Variants in P3H2 observed in about 807,000 individuals in gnomAD.
The protein encoded by P3H2 is leprecan-like 1.
In P3H2, 80 loss-of-function variants were observed where a neutral mutation model predicts 87.0. The observed-to-expected ratio is 0.92, with a 90% CI of 0.77 to 1.11. The LOEUF (loss-of-function observed/expected upper bound fraction) is 1.11, where lower values mean the gene tolerates loss of function less well. P3H2 is among the 50% of genes least tolerant of loss of function. P3H2 has a pLI of 0.00. For missense variants in P3H2, 1,001 were observed against 923.9 expected, an observed-to-expected ratio of 1.08 and a Z score of -1.08; for synonymous variants, 367 against 359.3, an observed-to-expected ratio of 1.02 and a Z score of -0.24.
At chr3:190,027,584 T>G (rs183419192) in intron 1 of P3H2, among the ~76,000 whole-genome samples, 197 of 152,084 alleles carry the variant, frequency 1.3e-3, no homozygotes, top group African/African-American at 4.6e-3. Context: ...AAAGTAGATA[T>G]TTAGATATAG....
At chr3:190,016,606 C>T (rs1724761860) in intron 1 of P3H2, among the ~76,000 whole-genome samples, 1 of 152,140 alleles carries the variant, frequency 6.6e-6, no homozygotes, top group Admixed American at 6.6e-5. Flanking sequence ...GTGATCTAAA[C>T]TGGTTAGAAA....
In P3H2 at chr3:190,120,287, C is replaced by T; in HGVS notation, c.445G>A (p.Val149Met). Residue 149 changes from valine (V) to methionine (M), a missense_variant, in exon 1 of 15, where the codon GTG (valine) becomes ATG (methionine). Physicochemically the swap from Val to Met is conservative, Grantham distance 21. Transcript: ENST00000319332. ...EDVRSDFQRR[V>M]PYNYLQRAYI... ...GCCCGCTGCAGGTAGTTGTAGGGCA[C>T]TCTGCGCTGGAAGTCGCTGCGCACA... is the stretch of plus-strand genomic sequence containing the variant. The T allele has an allele frequency of 1.2e-6, 2 of 1,610,840 alleles. No individual in the cohort carries two copies. Among genetic ancestry groups the T allele is most frequent in the Non-Finnish European group, 8.5e-7 (1 of 1,179,328 alleles).
chr3:190,049,521 G>A (rs750659812), intron 1 of P3H2, among the ~76,000 whole-genome samples: 56 of 152,240 alleles, frequency 3.7e-4, no homozygotes, highest in East Asian at 9.7e-4. Context: ...AATACATTTC[G>A]CTTTCATGAC....
At chr3:190,045,968 C>T in intron 1 of P3H2, among the ~76,000 whole-genome samples, 1 of 151,924 alleles carries the variant, frequency 6.6e-6, no homozygotes, top group East Asian at 1.9e-4. Context: ...AATAAAAATA[C>T]AAAAATTAGC....
chr3:190,044,559 G>A (rs959714220), intron 1 of P3H2, among the ~76,000 whole-genome samples: 4 of 152,180 alleles, frequency 2.6e-5, no homozygotes, highest in African/African-American at 9.7e-5. Context: ...ATCCTCACCA[G>A]GGACACTTCA....
chr3:190,038,772 A>C (rs1042388577), intron 1 of P3H2, among the ~76,000 whole-genome samples: 2 of 152,334 alleles, frequency 1.3e-5, no homozygotes, highest in Non-Finnish European at 1.5e-5. Flanking sequence ...TTTATCATAC[A>C]CTGAATGAAA....
chr3:190,088,469 A>T (rs1727298939), intron 1 of P3H2, among the ~76,000 whole-genome samples: 2 of 147,300 alleles, frequency 1.4e-5, no homozygotes, highest in African/African-American at 5.4e-5. Flanking sequence ...ATGTATAAAG[A>T]AAACACATAG....
intron 1 of P3H2, among the ~76,000 whole-genome samples, chr3:190,119,853 A>G (rs200869005): frequency 1.4e-5 from 2 of 138,386 alleles, no homozygotes; most frequent in South Asian, 2.3e-4. Context: ...AGAGGAGACA[A>G]AAGAAATGGG....
intron 1 of P3H2, among the ~76,000 whole-genome samples, chr3:190,015,403 A>G (rs190963724): frequency 7.9e-5 from 12 of 152,318 alleles, no homozygotes; most frequent in African/African-American, 2.9e-4. Context: ...ATGTAAAAGC[A>G]TGCTTCAGTG....
At chr3:190,032,388 G>C (rs897350073) in intron 1 of P3H2, among the ~76,000 whole-genome samples, 2 of 152,094 alleles carry the variant, frequency 1.3e-5, no homozygotes, top group Non-Finnish European at 2.9e-5. Context: ...AACATGTGAA[G>C]ATTTCAGTTC....
intron 1 of P3H2, among the ~76,000 whole-genome samples, chr3:190,039,569 AT>A (rs1354332152): frequency 1.3e-4 from 20 of 152,240 alleles, no homozygotes; most frequent in African/African-American, 4.6e-4. Flanking sequence ...AGCCCATAGC[AT>A]GGAGTAACCA....
chr3:190,080,967 A>C (rs771520471), intron 1 of P3H2, among the ~76,000 whole-genome samples: 14 of 152,214 alleles, frequency 9.2e-5, no homozygotes, highest in Non-Finnish European at 1.8e-4. Flanking sequence ...CAGAGCTTAG[A>C]TTACCATGTT....
At chr3:189,958,758 C>T (rs1481765712) in intron 14 of P3H2, among the ~76,000 whole-genome samples, 1 of 145,238 alleles carries the variant, frequency 6.9e-6, no homozygotes, top group East Asian at 2.1e-4. Flanking sequence ...GGCTGGAGTC[C>T]AGTGACGCGA....
In P3H2 at chr3:189,984,682, A is replaced by T. The variant is rs182815878; in HGVS notation, c.1189-92T>A. 3.3e-4 allele frequency: 284 copies of T among 867,706 alleles called. 2 individuals carry two copies. The Admixed American group carries it at 5.0e-3, about 15-fold the overall frequency. The allele number at this position is 867,706 out of a possible 1,614,324, so 53.8% of individuals were successfully genotyped here. A position where few individuals can be genotyped will look rare whatever the true frequency, so the allele number is the denominator to read the frequency against. On this transcript the variant is annotated intron_variant, in intron 6 of 14. Coordinates refer to ENST00000319332, the MANE Select transcript of P3H2 (RefSeq NM_018192.4). ...AGATAAAATAAAATATGCACAAAAC[A>T]TTCAAAAGATCTATAATTTAGGAAT...
chr3:190,039,555 G>A (rs1230208443), intron 1 of P3H2, among the ~76,000 whole-genome samples: 2 of 152,126 alleles, frequency 1.3e-5, no homozygotes, highest in African/African-American at 4.8e-5. Context: ...AAAAACATGT[G>A]TTAAGCCCAT....
intron 1 of P3H2, among the ~76,000 whole-genome samples, chr3:190,117,382 T>C (rs1712331883): frequency 6.6e-6 from 1 of 152,188 alleles, no homozygotes; most frequent in African/African-American, 2.4e-5. Flanking sequence ...GCTTCTATAG[T>C]TGGAAAATCT....
chr3:189,983,480 G>A (rs1723599122), intron 7 of P3H2: 2 of 237,650 alleles, frequency 8.4e-6, no homozygotes, highest in African/African-American at 4.5e-5. Flanking sequence ...ATGGGGCCTG[G>A]AACATGGAGT....
intron 1 of P3H2, among the ~76,000 whole-genome samples, chr3:190,082,798 T>A (rs552774393): frequency 1.3e-5 from 2 of 152,328 alleles, no homozygotes; most frequent in South Asian, 2.1e-4. Context: ...GGGTTTTTTT[T>A]AATGTTTTCT....
chr3:190,080,001 A>G (rs1364291178), intron 1 of P3H2, among the ~76,000 whole-genome samples: 2 of 152,228 alleles, frequency 1.3e-5, no homozygotes, highest in African/African-American at 4.8e-5. Context: ...AATCATTGTT[A>G]TTATAATAGA....
Sources: allele counts gnomAD v4.1 joint callset (sites outside exome capture counted in the v4.1 genomes callset), GRCh38; gene constraint gnomAD v4.1.1; transcripts MANE v1.5; gene names NCBI Gene and HGNC (gene_info 2026-07-23, HGNC 2026-07-21).